Variants in MAST4 observed in about 807,000 individuals in gnomAD.
The protein encoded by MAST4 is microtubule-associated serine/threonine-protein kinase 4.
MAST4 carries 89 observed loss-of-function variants against 162.7 expected under a neutral mutation model. The ratio of observed to expected loss-of-function variants is 0.55; its 90% CI spans 0.46 to 0.65. The LOEUF (loss-of-function observed/expected upper bound fraction) is 0.65, where lower values mean the gene tolerates loss of function less well. Ranked by LOEUF, MAST4 falls within the 30% of genes least tolerant of loss-of-function variation. The pLI is 0.00. For missense variants in MAST4, 3,153 were observed against 3,374.0 expected, an observed-to-expected ratio of 0.93 and a Z score of 1.62; for synonymous variants, 1,479 against 1,361.1, an observed-to-expected ratio of 1.09 and a Z score of -1.91.
At chr5:67,082,892 C>T (rs1373837895) in intron 5 of MAST4, among the ~76,000 whole-genome samples, 1 of 152,102 alleles carries the variant, frequency 6.6e-6, no homozygotes, top group African/African-American at 2.4e-5. Context: ...TTACAACTTT[C>T]CTCTAAATTT....
intron 6 of MAST4, among the ~76,000 whole-genome samples, chr5:67,092,712 A>C (rs1333078169): frequency 6.6e-6 from 1 of 152,200 alleles, no homozygotes; most frequent in Non-Finnish European, 1.5e-5. Context: ...GTTATTATGC[A>C]CTAGGTTGAA....
At chr5:66,681,675 A>C (rs1379294495) in intron 1 of MAST4, among the ~76,000 whole-genome samples, 1 of 152,220 alleles carries the variant, frequency 6.6e-6, no homozygotes, top group Non-Finnish European at 1.5e-5. Context: ...TCATACAAAA[A>C]GGCACAGCTT....
intron 1 of MAST4, among the ~76,000 whole-genome samples, chr5:66,734,934 G>C (rs905740767): frequency 6.6e-6 from 1 of 152,174 alleles, no homozygotes; most frequent in African/African-American, 2.4e-5. Flanking sequence ...ACACCTGTTA[G>C]CATTCCATGC....
intron 3 of MAST4, among the ~76,000 whole-genome samples, chr5:66,800,733 GA>G (rs1417191280): frequency 6.6e-6 from 1 of 151,956 alleles, no homozygotes; most frequent in Non-Finnish European, 1.5e-5. Context: ...AAGACCACTA[GA>G]AAAAAGAAAC....
chr5:66,699,396 A>G (rs1248320819), intron 1 of MAST4, among the ~76,000 whole-genome samples: 1 of 152,140 alleles, frequency 6.6e-6, no homozygotes, highest in African/African-American at 2.4e-5. Flanking sequence ...TGCAGGCCCT[A>G]AGGGGTGGAA....
At chr5:66,827,595 A>G (rs1303916376) in intron 3 of MAST4, among the ~76,000 whole-genome samples, 1 of 152,250 alleles carries the variant, frequency 6.6e-6, no homozygotes, top group Non-Finnish European at 1.5e-5. Context: ...GTGAATGGGT[A>G]GGGAACCACT....
intron 2 of MAST4, among the ~76,000 whole-genome samples, chr5:66,780,513 T>A (rs1754815292): frequency 6.6e-6 from 1 of 152,166 alleles, no homozygotes; most frequent in Non-Finnish European, 1.5e-5. Flanking sequence ...CGGACCTTCG[T>A]GGCGAGTGTT....
At chr5:66,754,058 T>C (rs1753365975) in intron 1 of MAST4, among the ~76,000 whole-genome samples, 1 of 151,990 alleles carries the variant, frequency 6.6e-6, no homozygotes, top group Non-Finnish European at 1.5e-5. Context: ...AACCACATGA[T>C]TATATCAATA....
intron 4 of MAST4, among the ~76,000 whole-genome samples, chr5:67,025,559 C>T (rs1299462531): frequency 6.6e-6 from 1 of 152,108 alleles, no homozygotes; most frequent in African/African-American, 2.4e-5. Context: ...GGGTTAAACA[C>T]TAGTAGTGGA....
At chr5:66,668,598 A>G (rs950050207) in intron 1 of MAST4, among the ~76,000 whole-genome samples, 3 of 152,212 alleles carry the variant, frequency 2.0e-5, no homozygotes, top group African/African-American at 7.2e-5. Context: ...GTAAAATGGG[A>G]ACAATAATAG....
intron 1 of MAST4, among the ~76,000 whole-genome samples, chr5:66,720,447 A>G (rs1751126864): frequency 6.6e-6 from 1 of 152,110 alleles, no homozygotes; most frequent in Non-Finnish European, 1.5e-5. Context: ...AAATTTTGAT[A>G]ATTTATATTT....
At chr5:66,634,686 T>G (rs192111851) in intron 1 of MAST4, among the ~76,000 whole-genome samples, 56 of 152,340 alleles carry the variant, frequency 3.7e-4, no homozygotes, top group African/African-American at 1.1e-3. Context: ...GAAGCCAATT[T>G]CATGTGGTCT....
At chr5:66,864,731 A>G (rs1327817891) in intron 3 of MAST4, among the ~76,000 whole-genome samples, 1 of 151,834 alleles carries the variant, frequency 6.6e-6, no homozygotes, top group Non-Finnish European at 1.5e-5. Context: ...CTAGAGGCCA[A>G]AATTAGGCTT....
chr5:66,632,927 A>T (rs1188817775), intron 1 of MAST4, among the ~76,000 whole-genome samples: 1 of 152,180 alleles, frequency 6.6e-6, no homozygotes, highest in African/African-American at 2.4e-5. Flanking sequence ...CATAATATAC[A>T]CACTCATGTA....
At chr5:67,102,201 A>T (rs887224092) in intron 8 of MAST4, among the ~76,000 whole-genome samples, 1 of 152,074 alleles carries the variant, frequency 6.6e-6, no homozygotes, top group African/African-American at 2.4e-5. Flanking sequence ...CAGTTTGTTA[A>T]TTGTTTTCCA....
chr5:67,145,673 G>A (rs1770996394), intron 23 of MAST4, among the ~76,000 whole-genome samples: 1 of 152,208 alleles, frequency 6.6e-6, no homozygotes, highest in Non-Finnish European at 1.5e-5. Context: ...AGGGAAGTCA[G>A]AACGTGCTAA....
chr5:66,917,019 G>T, intron 4 of MAST4: 1 of 717,962 alleles, frequency 1.4e-6, no homozygotes, highest in African/African-American at 1.7e-5. Context: ...TGGTCAAACG[G>T]TATGTGTATT....
chr5:66,601,412 A>C (rs900934430), intron 1 of MAST4, among the ~76,000 whole-genome samples: 16 of 152,218 alleles, frequency 1.1e-4, no homozygotes, highest in Non-Finnish European at 2.9e-5. Context: ...TTGGGGAGAT[A>C]GTCACTAAAT....
At chr5:66,744,005 C>T (rs1752613753) in intron 1 of MAST4, among the ~76,000 whole-genome samples, 1 of 152,116 alleles carries the variant, frequency 6.6e-6, no homozygotes, top group South Asian at 2.1e-4. Context: ...TATTTGGCCA[C>T]TTTCTTCTCT....
Sources: gnomAD v4.1 joint callset for allele counts (sites outside exome capture counted in the v4.1 genomes callset) on GRCh38, gnomAD v4.1.1 for gene constraint, MANE v1.5 for transcripts, NCBI Gene and HGNC (gene_info 2026-07-23, HGNC 2026-07-21) for gene names.